Variants in TRPM6 observed in about 807,000 individuals in gnomAD.
TRPM6 encodes the protein channel kinase 2.
Under a neutral mutation model 247.6 loss-of-function variants are expected in TRPM6, and 111 were observed. The ratio of observed to expected loss-of-function variants is 0.45; its 90% CI spans 0.38 to 0.52. The LOEUF (loss-of-function observed/expected upper bound fraction) is 0.52. TRPM6 is among the 20% of genes least tolerant of loss of function. TRPM6 has a pLI of 0.00. For missense variants in TRPM6, 2,126 were observed against 2,421.5 expected (o/e 0.88, Z 2.56); for synonymous variants, 892 against 853.8 (o/e 1.04, Z -0.78).
At chr9:74,770,523 C>T (rs1203487498) in intron 25 of TRPM6, among the ~76,000 whole-genome samples, 1 of 152,162 alleles carries the variant, frequency 6.6e-6, no homozygotes, top group South Asian at 2.1e-4. Context: ...TGTTCAGTCT[C>T]TCCAGTGTGT....
chr9:74,866,148 T>A (rs1474204125), intron 1 of TRPM6, among the ~76,000 whole-genome samples: 1 of 152,168 alleles, frequency 6.6e-6, no homozygotes, highest in Non-Finnish European at 1.5e-5. Flanking sequence ...TCCAATAATA[T>A]AAAAAATAGA....
chr9:74,782,262 CA>C (rs1827489596), intron 23 of TRPM6, 99 bp downstream of exon 23: 1 of 862,548 alleles, frequency 1.2e-6, no homozygotes, highest in African/African-American at 1.7e-5. Context: ...ATAGAACACA[CA>C]AAAATCAAAG....
At chr9:74,832,511 T>A (rs1173989591) in intron 6 of TRPM6, among the ~76,000 whole-genome samples, 1 of 152,206 alleles carries the variant, frequency 6.6e-6, no homozygotes, top group African/African-American at 2.4e-5. Flanking sequence ...AATAACTTCA[T>A]TGTGATTATA....
At chr9:74,845,971 T>C (rs1325564081) in intron 3 of TRPM6, among the ~76,000 whole-genome samples, 1 of 152,158 alleles carries the variant, frequency 6.6e-6, no homozygotes, top group Non-Finnish European at 1.5e-5. Flanking sequence ...TTGGGATGGA[T>C]GATTTAAAAA....
chr9:74,778,851 C>T (rs144326096), intron 23 of TRPM6, among the ~76,000 whole-genome samples: 25 of 152,212 alleles, frequency 1.6e-4, no homozygotes, highest in South Asian at 8.3e-4. Flanking sequence ...CACCCAACCT[C>T]GAGTGTACAC....
Position 74,722,717 on chromosome 9 carries a change from G to A in TRPM6, c.*1896C>T, listed in dbSNP as rs1825183076. ...AAAGTATTAACATTTTATCCTCATT[G>A]CCAATCAACAAATCACCCAAATTTC... On this transcript the variant is annotated 3_prime_UTR_variant, in exon 39 of 39. Coordinates refer to ENST00000360774, the MANE Select transcript of TRPM6 (RefSeq NM_017662.5). 6.6e-6 allele frequency: 1 copy of A among 152,094 alleles called. No individual in the cohort carries two copies. Among genetic ancestry groups the A allele is most frequent in the South Asian group, 2.1e-4 (1 of 4,820 alleles). The allele number at this position is 152,094 out of a possible 1,614,324, so 9.4% of individuals were successfully genotyped here. A position where few individuals can be genotyped will look rare whatever the true frequency, so the allele number is the denominator to read the frequency against.
chr9:74,887,163 C>G (rs527873256), intron 1 of TRPM6: 3 of 1,031,700 alleles, frequency 2.9e-6, no homozygotes, highest in Non-Finnish European at 3.8e-6. Context: ...GCGGGGACTC[C>G]TGAGGTTGCA....
At chr9:74,866,471 GTTTTTT>G (rs1830847228) in intron 1 of TRPM6, among the ~76,000 whole-genome samples, 1 of 149,534 alleles carries the variant, frequency 6.7e-6, no homozygotes, top group Admixed American at 7.5e-5. Flanking sequence ...TTTTGGGGGG[GTTTTTT>G]GTTTTTTGTT....
rs1825191781 is a variant in TRPM6, at chr9:74,723,101, G to A, written c.*1512C>T. ...TGTGAAAAGCTGGTGCTTGTTCGAG[G>A]TAGGGCAACCAGGCCCAGCATACAA... On this transcript the variant is annotated 3_prime_UTR_variant, in exon 39 of 39. Transcript: ENST00000360774. 1.3e-5 allele frequency: 2 copies of A among 152,118 alleles called. No homozygotes were observed. Among genetic ancestry groups the A allele is most frequent in the Non-Finnish European group, 2.9e-5 (2 of 68,016 alleles). 9.4% of individuals were successfully genotyped at this position (152,118 alleles called of 1,614,324 possible). A position where few individuals can be genotyped will look rare whatever the true frequency, so the allele number is the denominator to read the frequency against.
chr9:74,883,958 T>C (rs1423232878), intron 1 of TRPM6, among the ~76,000 whole-genome samples: 1 of 152,202 alleles, frequency 6.6e-6, no homozygotes, highest in Non-Finnish European at 1.5e-5. Context: ...GAGACCATCC[T>C]GACCAACATG....
At chr9:74,839,466 G>T (rs543631774) in intron 5 of TRPM6, among the ~76,000 whole-genome samples, 1 of 152,074 alleles carries the variant, frequency 6.6e-6, no homozygotes, top group African/African-American at 2.4e-5. Flanking sequence ...CCCAAAACAC[G>T]CAATGCAAGT....
intron 7 of TRPM6, among the ~76,000 whole-genome samples, chr9:74,823,667 C>T (rs1050852315): frequency 5.9e-5 from 9 of 152,002 alleles, no homozygotes; most frequent in Admixed American, 2.0e-4. Flanking sequence ...CCAAATGAGG[C>T]GGCAAAAATA....
intron 32 of TRPM6, 94 bp from the exon 33 acceptor site, chr9:74,742,720 T>C: frequency 9.2e-7 from 1 of 1,087,374 alleles, no homozygotes; most frequent in Non-Finnish European, 1.4e-6. Flanking sequence ...ATAATGCTAT[T>C]TAATTTCAAA....
chr9:74,799,551 C>T (rs1307700113), intron 17 of TRPM6, among the ~76,000 whole-genome samples: 1 of 75,430 alleles, frequency 1.3e-5, no homozygotes, highest in Non-Finnish European at 2.6e-5. Flanking sequence ...CACACACATA[C>T]ACACACACAC....
chr9:74,768,646 A>C (rs1826909015), intron 25 of TRPM6, among the ~76,000 whole-genome samples: 1 of 152,170 alleles, frequency 6.6e-6, no homozygotes, highest in Non-Finnish European at 1.5e-5. Context: ...GATCCTTAAC[A>C]TGCCTAATGA....
At chr9:74,840,706 A>C (rs1829907008) in intron 4 of TRPM6, among the ~76,000 whole-genome samples, 1 of 152,020 alleles carries the variant, frequency 6.6e-6, no homozygotes, top group Non-Finnish European at 1.5e-5. Flanking sequence ...AATCCCAGCT[A>C]CCCGGGTGAC....
chr9:74,878,446 A>G (rs1831257878), intron 1 of TRPM6, among the ~76,000 whole-genome samples: 1 of 152,176 alleles, frequency 6.6e-6, no homozygotes, highest in African/African-American at 2.4e-5. Context: ...CCCCATCCCC[A>G]GCAAAACCTC....
At chr9:74,814,567 T>C (rs1428778912) in intron 11 of TRPM6, among the ~76,000 whole-genome samples, 1 of 152,066 alleles carries the variant, frequency 6.6e-6, no homozygotes, top group African/African-American at 2.4e-5. Context: ...CCCATAAATA[T>C]ATACACCCAC....
intron 25 of TRPM6, among the ~76,000 whole-genome samples, chr9:74,767,052 C>G (rs1826852007): frequency 6.6e-6 from 1 of 152,140 alleles, no homozygotes; most frequent in South Asian, 2.1e-4. Context: ...ACCTAGGATC[C>G]AGGCAATTTC....
Sources: gnomAD v4.1 joint callset for allele counts (sites outside exome capture counted in the v4.1 genomes callset) on GRCh38, gnomAD v4.1.1 for gene constraint, MANE v1.5 for transcripts, NCBI Gene and HGNC (gene_info 2026-07-23, HGNC 2026-07-21) for gene names.